The following DACH1 variants were observed in gnomAD, a reference collection of about 807,000 sequenced individuals.
The protein encoded by DACH1 is dachshund family transcription factor 1.
In DACH1, 12 loss-of-function variants were observed where a neutral mutation model predicts 54.2. That is an observed-to-expected ratio of 0.22 (90% CI 0.14 to 0.36). The LOEUF is 0.36. DACH1 is among the 10% of genes least tolerant of loss of function. The pLI is 1.00. For missense variants in DACH1, 805 were observed against 929.8 expected, an observed-to-expected ratio of 0.87 and a Z score of 1.75; for synonymous variants, 386 against 366.2, an observed-to-expected ratio of 1.05 and a Z score of -0.62.
chr13:71,609,265 A>C (rs1275089770), intron 3 of DACH1, among the ~76,000 whole-genome samples: 1 of 152,122 alleles, frequency 6.6e-6, no homozygotes, highest in Non-Finnish European at 1.5e-5. Flanking sequence ...CAGAAAACAG[A>C]TCTTTCTCTT....
At chr13:71,776,172 T>C (rs1334377987) in intron 1 of DACH1, among the ~76,000 whole-genome samples, 1 of 152,152 alleles carries the variant, frequency 6.6e-6, no homozygotes. Flanking sequence ...TATTACACTA[T>C]AAATTTTAGC....
At chr13:71,712,244 A>G (rs552366057) in intron 1 of DACH1, among the ~76,000 whole-genome samples, 1 of 152,028 alleles carries the variant, frequency 6.6e-6, no homozygotes, top group East Asian at 1.9e-4. Context: ...TCAGAAATTA[A>G]ATCTTTTTTT....
chr13:71,615,965 T>C lies in DACH1; in HGVS notation c.1126+14591A>G, dbSNP rs145774905. On this transcript the variant is annotated intron_variant, in intron 3 of 10. Transcript: ENST00000613252. ...CAAATAATCCCCAAAGAGCCCTATG[T>C]AATATTTCAAATTGTTATACCTATT... 1.6e-3 allele frequency among the ~76,000 whole-genome samples: 244 copies of C among 152,302 alleles called. 3 individuals are homozygous for C. Among genetic ancestry groups the C allele is most frequent in the African/African-American group, 5.6e-3 (231 of 41,584 alleles).
chr13:71,692,506 C>CTTTTTTTTTTTT lies in DACH1; in HGVS notation c.849-10608_849-10597dup, dbSNP rs398023338. Among the ~76,000 whole-genome samples the CTTTTTTTTTTTT allele has an allele frequency of 1.1e-4, 5 of 44,438 alleles. 1 individual carries two copies. Among genetic ancestry groups the CTTTTTTTTTTTT allele is most frequent in the Admixed American group, 8.8e-4 (2 of 2,280 alleles). The allele number at this position is 44,438 out of a possible 152,430, so 29.2% of individuals were successfully genotyped here. On this transcript the variant is annotated intron_variant, in intron 1 of 10. Transcript: ENST00000613252. The stretch of plus-strand genomic sequence containing the variant: ...CCTTTCTTTTTCTTTCTTTTCTTTC[C>CTTTTTTTTTTTT]TTTTTTTTTTTTTTTTTTTTTTTTT...
chr13:71,690,621 T>A (rs1881431568), intron 1 of DACH1, among the ~76,000 whole-genome samples: 1 of 152,110 alleles, frequency 6.6e-6, no homozygotes, highest in Non-Finnish European at 1.5e-5. Context: ...TTCTAGAAAA[T>A]TTAAATTTAA....
intron 2 of DACH1, among the ~76,000 whole-genome samples, chr13:71,645,683 C>T (rs999169699): frequency 6.6e-6 from 1 of 152,152 alleles, no homozygotes; most frequent in African/African-American, 2.4e-5. Flanking sequence ...TAGACAGACA[C>T]AATTAATTAA....
At chr13:71,817,814 C>CTTTTTTT (rs34031888) in intron 1 of DACH1, among the ~76,000 whole-genome samples, 7 of 119,086 alleles carry the variant, frequency 5.9e-5, no homozygotes, top group African/African-American at 2.3e-4. Context: ...TTCTTTCTTC[C>CTTTTTTT]TTTTTTTTTT....
intron 1 of DACH1, among the ~76,000 whole-genome samples, chr13:71,797,018 T>G (rs973552356): frequency 3.3e-5 from 5 of 152,062 alleles, no homozygotes; most frequent in Non-Finnish European, 5.9e-5. Flanking sequence ...AAATTCCAAA[T>G]ACACCTAAGT....
chr13:71,726,143 T>G (rs1157054244), intron 1 of DACH1, among the ~76,000 whole-genome samples: 1 of 152,130 alleles, frequency 6.6e-6, no homozygotes, highest in East Asian at 1.9e-4. Flanking sequence ...GTTTTAAACC[T>G]CTATTCTTCT....
intron 2 of DACH1, among the ~76,000 whole-genome samples, chr13:71,641,249 G>A (rs1476543913): frequency 1.3e-5 from 2 of 151,974 alleles, no homozygotes; most frequent in Non-Finnish European, 2.9e-5. Context: ...ATGAATATAT[G>A]TACACATACA....
At chr13:71,560,148 T>G (rs911106282) in intron 4 of DACH1, among the ~76,000 whole-genome samples, 193 bp from the exon 5 acceptor site, 1 of 152,170 alleles carries the variant, frequency 6.6e-6, no homozygotes, top group Non-Finnish European at 1.5e-5. Flanking sequence ...AGATGGTCTA[T>G]GAAACTATGG....
chr13:71,801,065 C>G (rs1291597011), intron 1 of DACH1, among the ~76,000 whole-genome samples: 1 of 123,674 alleles, frequency 8.1e-6, no homozygotes, highest in East Asian at 3.4e-4. Context: ...AACTTACAGA[C>G]AAGCACACAG....
At chr13:71,571,899 C>T (rs566108456) in intron 4 of DACH1, among the ~76,000 whole-genome samples, 146 of 152,048 alleles carry the variant, frequency 9.6e-4, no homozygotes, top group African/African-American at 3.4e-3. Context: ...CCACGCCTGG[C>T]TAATTTTTTG....
intron 2 of DACH1, among the ~76,000 whole-genome samples, chr13:71,654,868 A>C (rs1402729076): frequency 6.6e-6 from 1 of 152,200 alleles, no homozygotes; most frequent in African/African-American, 2.4e-5. Context: ...TGGTACAGAG[A>C]TAGGTGGGGA....
At chr13:71,603,900 C>A (rs1874692073) in intron 3 of DACH1, among the ~76,000 whole-genome samples, 2 of 151,790 alleles carry the variant, frequency 1.3e-5, no homozygotes, top group Non-Finnish European at 2.9e-5. Flanking sequence ...GAATAAAGGC[C>A]TATTTGTATT....
intron 6 of DACH1, among the ~76,000 whole-genome samples, chr13:71,552,834 TATATATATAGAGAGAG>T (rs1428070654): frequency 6.0e-4 from 20 of 33,160 alleles, no homozygotes; most frequent in African/African-American, 1.3e-3. Context: ...TATATATATA[TATATATATAGAGAGAG>T]AGAGAGAGAG....
intron 10 of DACH1, among the ~76,000 whole-genome samples, chr13:71,464,160 T>C (rs943159964): frequency 2.0e-5 from 3 of 151,980 alleles, no homozygotes; most frequent in Admixed American, 6.6e-5. Flanking sequence ...TTTTCTCATA[T>C]GGATGAGAAA....
At chr13:71,709,250 C>A (rs921739446) in intron 1 of DACH1, among the ~76,000 whole-genome samples, 21 of 151,280 alleles carry the variant, frequency 1.4e-4, no homozygotes, top group Admixed American at 3.3e-4. Context: ...TAAAATTTTC[C>A]CTTGATTAAT....
rs17252647 is a variant in DACH1, at chr13:71,787,943, C to G, written c.848+77979G>C. ...GGAGACTTAATAACTGAAAGGAGCT[C>G]AAATAGCACTTTCTTTGGAACTATT... On this transcript the variant is annotated intron_variant, in intron 1 of 10. Coordinates refer to ENST00000613252, the MANE Select transcript of DACH1 (RefSeq NM_080759.6). 0.012 allele frequency among the ~76,000 whole-genome samples: 1,886 copies of G among 152,112 alleles called. 207 individuals carry two copies. In the East Asian group the frequency reaches 0.26, roughly 21 times the overall value.
Sources: allele counts gnomAD v4.1 joint callset (sites outside exome capture counted in the v4.1 genomes callset), GRCh38; gene constraint gnomAD v4.1.1; transcripts MANE v1.5; gene names NCBI Gene and HGNC (gene_info 2026-07-23, HGNC 2026-07-21).